ZSCAN21: variants seen among roughly 807,000 people sequenced by gnomAD.
ZSCAN21 encodes zinc finger and SCAN domain-containing protein 21.
ZSCAN21 carries 26 observed loss-of-function variants against 35.6 expected under a neutral mutation model. That is an observed-to-expected ratio of 0.73 (90% CI 0.54 to 1.01). The LOEUF (loss-of-function observed/expected upper bound fraction) is 1.01, where lower values mean the gene tolerates loss of function less well. ZSCAN21 is among the 50% of genes least tolerant of loss of function. ZSCAN21 has a pLI of 0.00. For synonymous variants in ZSCAN21, 219 were observed against 219.3 expected (o/e 1.00, Z 0.01); for missense variants, 593 against 587.1 (o/e 1.01, Z -0.10).
In ZSCAN21 at chr7:100,063,714, CTA is replaced by C. The variant is rs1163539909; in HGVS notation, c.593-72_593-71del. On this transcript the variant is annotated intron_variant, in intron 3 of 3. Coordinates refer to ENST00000292450, the MANE Select transcript of ZSCAN21 (RefSeq NM_145914.3). ...AAACCATCAGTCTCACCTGATGGTT[CTA>C]TCTCTCTGGTAACAGTTTCTTCCTC... 2.1e-6 allele frequency: 3 copies of C among 1,422,924 alleles called. No individual in the cohort carries two copies. The East Asian group carries it at 6.8e-5, about 32-fold the overall frequency. The allele number at this position is 1,422,924 out of a possible 1,614,324, so 88.1% of individuals were successfully genotyped here.
chr7:100,060,377 C>T (rs565276819), intron 3 of ZSCAN21, among the ~76,000 whole-genome samples: 35 of 152,250 alleles, frequency 2.3e-4, no homozygotes, highest in Admixed American at 1.4e-3. Context: ...TCCTGGTCAA[C>T]ATGGTGAAAC....
chr7:100,059,058 A>G (rs1340516848), intron 3 of ZSCAN21, among the ~76,000 whole-genome samples: 2 of 152,206 alleles, frequency 1.3e-5, no homozygotes, highest in Non-Finnish European at 1.5e-5. Flanking sequence ...AATAGTTTCA[A>G]ACCAGGACTT....
At chr7:100,054,838 C>CAAA (rs375324113) in intron 1 of ZSCAN21, among the ~76,000 whole-genome samples, 26 of 62,786 alleles carry the variant, frequency 4.1e-4, no homozygotes, top group South Asian at 1.1e-3. Context: ...GACGCTGTCT[C>CAAA]AAAAAAAAAA....
At chr7:100,057,470 G>T in intron 2 of ZSCAN21, 65 bp downstream of exon 2, 1 of 1,495,022 alleles carries the variant, frequency 6.7e-7, no homozygotes, top group South Asian at 1.4e-5. Context: ...CAGGAACAAG[G>T]GTTTGTCCAT....
intron 3 of ZSCAN21, among the ~76,000 whole-genome samples, chr7:100,062,934 C>T (rs1792398280): frequency 6.6e-6 from 1 of 152,166 alleles, no homozygotes; most frequent in Non-Finnish European, 1.5e-5. Context: ...TTGCCCAGGC[C>T]AGCACAATCA....
rs1402559689 is a variant in ZSCAN21, at chr7:100,054,597, A to G, written c.-96-2314A>G. 5.3e-5 allele frequency among the ~76,000 whole-genome samples: 8 copies of G among 151,690 alleles called. No individual in the cohort carries two copies. In the East Asian group the frequency reaches 1.6e-3, roughly 30 times the overall value. Reference sequence around the variant, plus strand: ...AATTTTGGGAAATAATTCTGTATGCATTTTTTTCCGTGCCTTACAGTTTCC... The same window carrying G: ...AATTTTGGGAAATAATTCTGTATGCGTTTTTTTCCGTGCCTTACAGTTTCC... On this transcript the variant is annotated intron_variant, in intron 1 of 3. Coordinates refer to ENST00000292450, the MANE Select transcript of ZSCAN21 (RefSeq NM_145914.3).
chr7:100,051,177 TCAAAAAA>T (rs1197427949), intron 1 of ZSCAN21, among the ~76,000 whole-genome samples: 1 of 4,340 alleles, frequency 2.3e-4, no homozygotes. Flanking sequence ...AAACTACGTC[TCAAAAAA>T]AAAAAAAAAA....
intron 3 of ZSCAN21, among the ~76,000 whole-genome samples, chr7:100,063,067 T>C (rs1424303086): frequency 6.6e-6 from 1 of 152,136 alleles, no homozygotes; most frequent in Non-Finnish European, 1.5e-5. Flanking sequence ...TTTTTTATTT[T>C]AACTTTTTGT....
At chr7:100,050,747 G>A (rs73395923) in intron 1 of ZSCAN21, among the ~76,000 whole-genome samples, 3 of 152,196 alleles carry the variant, frequency 2.0e-5, no homozygotes, top group South Asian at 2.1e-4. Context: ...GGAAACCCAC[G>A]AAATCTAAGG....
Position 100,064,355 on chromosome 7 carries a change from C to T in ZSCAN21, c.1160C>T (p.Pro387Leu), listed in dbSNP as rs1467257916. The T allele has an allele frequency of 1.3e-5, 21 of 1,614,004 alleles. No homozygotes were observed. Among genetic ancestry groups the T allele is most frequent in the Non-Finnish European group, 1.7e-5 (20 of 1,180,038 alleles). The stretch of plus-strand genomic sequence containing the variant: ...TATCGGATCCACACTGGGGAGAAGC[C>T]TTATCAGTGTAACGAATGTGGGAAG... ...RHYRIHTGEK[P>L]YQCNECGKSF... The change falls in exon 4 of 4, where the codon CCT becomes CTT. Residue 387 changes from proline to leucine, a missense_variant. Coordinates refer to ENST00000292450, the MANE Select transcript of ZSCAN21 (RefSeq NM_145914.3).
At chr7:100,061,483 C>T (rs541561297) in intron 3 of ZSCAN21, among the ~76,000 whole-genome samples, 29 of 152,310 alleles carry the variant, frequency 1.9e-4, no homozygotes, top group African/African-American at 5.8e-4. Context: ...GATTATGCCA[C>T]TGTACTCCCA....
At chr7:100,058,423 C>T (rs558057919) in intron 3 of ZSCAN21, among the ~76,000 whole-genome samples, 1 of 152,304 alleles carries the variant, frequency 6.6e-6, no homozygotes, top group Non-Finnish European at 1.5e-5. Flanking sequence ...CTTAAATCTC[C>T]TGCTTTTGTT....
chr7:100,064,890 AGT>A lies in ZSCAN21; in HGVS notation c.*274_*275del. Reference sequence around the variant, plus strand: ...GCCATGCCAGCATTACCTTTTGCGTAGTTAAACAGACGTGTATCCAGTCTAGT... The same window carrying A: ...GCCATGCCAGCATTACCTTTTGCGTATAAACAGACGTGTATCCAGTCTAGT... On this transcript the variant is annotated 3_prime_UTR_variant, in exon 4 of 4. Coordinates refer to ENST00000292450, the MANE Select transcript of ZSCAN21 (RefSeq NM_145914.3). 4 of 846,698 alleles carry A rather than the reference AGT, an allele frequency of 4.7e-6. No homozygotes were observed. The highest frequency in any genetic ancestry group is 6.6e-6 in the Non-Finnish European group (4 of 608,738). 52.4% of individuals were successfully genotyped at this position (846,698 alleles called of 1,614,324 possible).
At chr7:100,053,546 A>ATT (rs1554358004) in intron 1 of ZSCAN21, among the ~76,000 whole-genome samples, 5 of 79,484 alleles carry the variant, frequency 6.3e-5, no homozygotes, top group Admixed American at 1.2e-4. Flanking sequence ...TACATACATA[A>ATT]TTTTTTTTTT....
At chr7:100,057,482 C>T (rs1213936430) in intron 2 of ZSCAN21, 77 bp downstream of exon 2, 2 of 1,481,918 alleles carry the variant, frequency 1.3e-6, no homozygotes, top group Non-Finnish European at 1.8e-6. Flanking sequence ...TTTGTCCATA[C>T]ATTAAGATTT....
At position 100,057,727 on chromosome 7, in the gene ZSCAN21, G is replaced by A. The variant is rs778105247; in HGVS notation, c.429G>A (p.Pro143=). Residue 143 remains proline, a synonymous_variant, in exon 3 of 4, where the codon CCG becomes CCA. Transcript: ENST00000292450. ...QVSTPPNEQK[P]VWEKISSSGT... is the part of the protein sequence containing the mutation. ...CAACTCCTCCAAACGAACAGAAACC[G>A]GTGTGGGAGAAGATATCCTCCTCAG... The A allele has an allele frequency of 2.4e-5, 39 of 1,613,068 alleles. No homozygotes were observed. The highest frequency in any genetic ancestry group is 6.7e-5 in the African/African-American group (5 of 74,850).
rs572876928 is a variant in ZSCAN21 at position 100,050,654 on chromosome 7, C to T, written c.-97+813C>T. ...TGGAGGTTGCACTGAACCGAGATCA[C>T]GCCACTGCACTCCAGCCTGGGCGAC... On this transcript the variant is annotated intron_variant, in intron 1 of 3. Coordinates refer to ENST00000292450, the MANE Select transcript of ZSCAN21 (RefSeq NM_145914.3). Among the ~76,000 whole-genome samples, 10 of 152,060 alleles carry T rather than the reference C, an allele frequency of 6.6e-5. No individual in the cohort carries two copies. The South Asian group carries it at 1.2e-3, about 19-fold the overall frequency.
Position 100,057,840 on chromosome 7 carries a change from A to G in ZSCAN21, c.542A>G (p.Gln181Arg). 1 of 1,613,778 alleles carries G rather than the reference A, an allele frequency of 6.2e-7. No individual in the cohort carries two copies. The highest frequency in any genetic ancestry group is 8.5e-7 in the Non-Finnish European group (1 of 1,179,856). ...GAGTCTTGGGGGCCCCTGTACATCC[A>G]AGAGTCTGGTGAGGAGCAGGAGTTC... The part of the protein sequence containing the change: ...KYESWGPLYI[Q>R]ESGEEQEFAQ... The change falls in exon 3 of 4, where the codon CAA (glutamine) becomes CGA (arginine). Residue 181 changes from glutamine to arginine, a missense_variant. By Grantham distance (43) the Gln-to-Arg change is conservative (BLOSUM62 1). Transcript: ENST00000292450.
intron 1 of ZSCAN21, among the ~76,000 whole-genome samples, chr7:100,052,694 T>C (rs55969052): frequency 0.27 from 41,009 of 151,876 alleles, 6,555 homozygotes; most frequent in Middle Eastern, 0.47. Context: ...GTTTGGGCAG[T>C]TGTGAGTATA....
Sources: gnomAD v4.1 joint callset for allele counts (sites outside exome capture counted in the v4.1 genomes callset) on GRCh38, gnomAD v4.1.1 for gene constraint, MANE v1.5 for transcripts, NCBI Gene and HGNC (gene_info 2026-07-23, HGNC 2026-07-21) for gene names.